The following AATF variants were observed in gnomAD, a reference collection of about 807,000 sequenced individuals.
The protein encoded by AATF is apoptosis antagonizing transcription factor.
A neutral mutation model predicts 63.7 loss-of-function variants in AATF; 48 were observed. The observed-to-expected ratio is 0.75, with a 90% CI of 0.60 to 0.96. AATF has a LOEUF of 0.96. Ranked by LOEUF, AATF falls within the 40% of genes least tolerant of loss-of-function variation. The pLI is 0.00. For missense variants in AATF, 639 were observed against 685.7 expected (o/e 0.93, Z 0.76); for synonymous variants, 258 against 247.7 (o/e 1.04, Z -0.39).
chr17:37,032,746 A>G (rs2071561281), intron 11 of AATF, among the ~76,000 whole-genome samples: 1 of 152,156 alleles, frequency 6.6e-6, no homozygotes, highest in Non-Finnish European at 1.5e-5. Context: ...AATTATATTC[A>G]GGAAATGTTT....
chr17:36,994,921 C>G (rs958360130), intron 8 of AATF, among the ~76,000 whole-genome samples: 10 of 152,224 alleles, frequency 6.6e-5, no homozygotes, highest in Admixed American at 6.5e-5. Context: ...TTAATCCTCA[C>G]AAGATCCTCG....
At chr17:36,961,186 T>G (rs1030634690) in intron 4 of AATF, among the ~76,000 whole-genome samples, 32 of 152,226 alleles carry the variant, frequency 2.1e-4, no homozygotes, top group Non-Finnish European at 4.4e-5. Flanking sequence ...TTCCTTTTTA[T>G]AGATTTACTG....
At chr17:37,049,655 T>C (rs949783470) in intron 11 of AATF, among the ~76,000 whole-genome samples, 4 of 152,014 alleles carry the variant, frequency 2.6e-5, no homozygotes, top group Non-Finnish European at 5.9e-5. Context: ...TGTAGACATT[T>C]TTAAGAGGAA....
intron 2 of AATF, among the ~76,000 whole-genome samples, chr17:36,950,647 GCAC>G (rs2070848174): frequency 6.6e-6 from 1 of 152,112 alleles, no homozygotes; most frequent in African/African-American, 2.4e-5. Flanking sequence ...TTACAGGCAT[GCAC>G]CACCACGCCC....
intron 11 of AATF, among the ~76,000 whole-genome samples, chr17:37,032,341 A>T (rs981849508): frequency 6.6e-6 from 1 of 152,204 alleles, no homozygotes; most frequent in South Asian, 2.1e-4. Flanking sequence ...TTTTGATATT[A>T]AAATTGTCCC....
At chr17:37,012,232 T>G (rs2071397573) in intron 8 of AATF, among the ~76,000 whole-genome samples, 1 of 152,102 alleles carries the variant, frequency 6.6e-6, no homozygotes, top group Non-Finnish European at 1.5e-5. Flanking sequence ...TTTTTTGTAT[T>G]TTTACTAGAG....
chr17:36,968,892 C>T (rs538111051), intron 4 of AATF, among the ~76,000 whole-genome samples: 141 of 152,252 alleles, frequency 9.3e-4, no homozygotes, highest in African/African-American at 3.3e-3. Context: ...CCTCCCAAAG[C>T]GCTGACATTA....
intron 11 of AATF, among the ~76,000 whole-genome samples, chr17:37,044,389 C>G (rs1196045038): frequency 6.6e-6 from 1 of 152,166 alleles, no homozygotes; most frequent in African/African-American, 2.4e-5. Flanking sequence ...AGGTTCTCCT[C>G]TGGGACTTCT....
At chr17:36,975,274 T>A (rs1423367255) in intron 4 of AATF, among the ~76,000 whole-genome samples, 3 of 152,164 alleles carry the variant, frequency 2.0e-5, no homozygotes, top group African/African-American at 7.2e-5. Flanking sequence ...TTTGTTATAT[T>A]TGCTTTTTTT....
At chr17:36,987,719 T>A (rs1369166651) in intron 5 of AATF, among the ~76,000 whole-genome samples, 2 of 152,234 alleles carry the variant, frequency 1.3e-5, no homozygotes. Context: ...GGTTAGTTAG[T>A]GCTAATTGTT....
At chr17:36,991,896 A>G (rs1398195448) in intron 8 of AATF, among the ~76,000 whole-genome samples, 1 of 152,072 alleles carries the variant, frequency 6.6e-6, no homozygotes, top group Non-Finnish European at 1.5e-5. Context: ...GACAAATTAT[A>G]CTTCTTAATA....
chr17:37,036,764 C>G (rs2142307647), intron 11 of AATF, among the ~76,000 whole-genome samples: 1 of 152,202 alleles, frequency 6.6e-6, no homozygotes, highest in East Asian at 1.9e-4. Context: ...CTGATACTTT[C>G]TATGTGCTGG....
At chr17:36,967,634 A>AGGAT (rs2071001444) in intron 4 of AATF, among the ~76,000 whole-genome samples, 1 of 151,752 alleles carries the variant, frequency 6.6e-6, no homozygotes, top group Non-Finnish European at 1.5e-5. Context: ...CTCCTATTCC[A>AGGAT]GAGTCTTTCT....
At chr17:37,001,821 G>A (rs1214780859) in intron 8 of AATF, among the ~76,000 whole-genome samples, 1 of 152,152 alleles carries the variant, frequency 6.6e-6, no homozygotes, top group African/African-American at 2.4e-5. Flanking sequence ...TCTAGCCAGG[G>A]CAGTTAGGCA....
rs1244780833 is a variant in AATF at position 37,037,112 on chromosome 17, G to C, written c.1619+5427G>C. 3.3e-5 allele frequency among the ~76,000 whole-genome samples: 5 copies of C among 151,158 alleles called. No individual in the cohort carries two copies. The East Asian group carries it at 9.7e-4, about 29-fold the overall frequency. The stretch of plus-strand genomic sequence containing the variant: ...CAAGCTCCGCCTCCTGGGTTCAAGT[G>C]ATTCTCCTGCCTCAGCCTCCCGAGT... On this transcript the variant is annotated intron_variant, in intron 11 of 11. Transcript: ENST00000619387.
At chr17:36,957,767 G>A (rs1291322163) in intron 4 of AATF, among the ~76,000 whole-genome samples, 2 of 152,102 alleles carry the variant, frequency 1.3e-5, no homozygotes, top group Non-Finnish European at 2.9e-5. Flanking sequence ...CTCAGGTTGC[G>A]TTTTCTCAAT....
chr17:36,978,921 A>G (rs946591389), intron 4 of AATF, among the ~76,000 whole-genome samples: 1 of 151,956 alleles, frequency 6.6e-6, no homozygotes, highest in African/African-American at 2.4e-5. Flanking sequence ...CCTAAATGTT[A>G]AGGCTTATTG....
In AATF at chr17:36,993,701, A is replaced by G. The variant is rs147543760; in HGVS notation, c.1398+2844A>G. On this transcript the variant is annotated intron_variant, in intron 8 of 11. Coordinates refer to ENST00000619387, the MANE Select transcript of AATF (RefSeq NM_012138.4). ...AAGAGCTGGGTGGTGAATATAATAC[A>G]TTCCCCCTTTTTTAAAACCATACTT... 3.0e-3 allele frequency among the ~76,000 whole-genome samples: 464 copies of G among 152,142 alleles called. 1 individual carries two copies. The highest frequency in any genetic ancestry group is 3.2e-3 in the Non-Finnish European group (217 of 68,022).
intron 4 of AATF, among the ~76,000 whole-genome samples, chr17:36,955,477 A>C (rs1296259129): frequency 6.6e-6 from 1 of 152,098 alleles, no homozygotes; most frequent in Non-Finnish European, 1.5e-5. Context: ...TTTCTCTCTC[A>C]AATAGATGAC....
Sources: gnomAD v4.1 joint callset for allele counts (sites outside exome capture counted in the v4.1 genomes callset) on GRCh38, gnomAD v4.1.1 for gene constraint, MANE v1.5 for transcripts, NCBI Gene and HGNC (gene_info 2026-07-23, HGNC 2026-07-21) for gene names.